Variants in THSD7B observed in about 807,000 individuals in gnomAD.
THSD7B encodes thrombospondin type 1 domain containing 7B.
A neutral mutation model predicts 213.6 loss-of-function variants in THSD7B; 138 were observed. The ratio of observed to expected loss-of-function variants is 0.65; its 90% confidence interval spans 0.56 to 0.74. The LOEUF (loss-of-function observed/expected upper bound fraction) is 0.74. Among genes scored for constraint, THSD7B ranks in the 30% least tolerant of loss-of-function variants. The probability of loss-of-function intolerance (pLI) is 0.00; values close to 1 mark genes in which losing one functional copy is unlikely to be tolerated. For missense variants in THSD7B, 1,931 were observed against 1,991.5 expected, an observed-to-expected ratio of 0.97 and a Z score of 0.58; for synonymous variants, 742 against 687.0, an observed-to-expected ratio of 1.08 and a Z score of -1.25.
intron 2 of THSD7B, among the ~76,000 whole-genome samples, chr2:137,023,760 T>C (rs1212739517): frequency 6.6e-6 from 1 of 152,170 alleles, no homozygotes; most frequent in Admixed American, 6.6e-5. Flanking sequence ...GGAGATGTGA[T>C]GGCAGTGATG....
chr2:137,135,769 C>T (rs959825033), intron 5 of THSD7B, among the ~76,000 whole-genome samples: 1 of 152,046 alleles, frequency 6.6e-6, no homozygotes, highest in Non-Finnish European at 1.5e-5. Context: ...TACAGCTTCA[C>T]TCACACAATG....
chr2:136,904,428 T>C (rs866479933), intron 2 of THSD7B, among the ~76,000 whole-genome samples: 6 of 152,204 alleles, frequency 3.9e-5, no homozygotes, highest in African/African-American at 1.4e-4. Flanking sequence ...TGGAAGGGTT[T>C]CTACTCAGAA....
At chr2:137,632,445 A>T (rs1194488983) in intron 20 of THSD7B, among the ~76,000 whole-genome samples, 1 of 152,176 alleles carries the variant, frequency 6.6e-6, no homozygotes, top group Non-Finnish European at 1.5e-5. Flanking sequence ...AAGGGTGTGA[A>T]GATTAGCTCC....
intron 9 of THSD7B, among the ~76,000 whole-genome samples, chr2:137,238,545 T>C (rs1212398654): frequency 2.7e-5 from 3 of 109,690 alleles, no homozygotes; most frequent in Non-Finnish European, 5.7e-5. Flanking sequence ...TTTTTTTTTT[T>C]TTTTTTTTTT....
chr2:136,908,233 T>C (rs960077110), intron 2 of THSD7B, among the ~76,000 whole-genome samples: 1 of 152,212 alleles, frequency 6.6e-6, no homozygotes, highest in South Asian at 2.1e-4. Context: ...AGTCAAATTA[T>C]ATTAAGAATT....
intron 17 of THSD7B, among the ~76,000 whole-genome samples, chr2:137,606,264 A>G (rs540827955): frequency 6.6e-6 from 1 of 152,288 alleles, no homozygotes; most frequent in African/African-American, 2.4e-5. Flanking sequence ...GTATGAGGAG[A>G]GCCCAGAACA....
intron 15 of THSD7B, among the ~76,000 whole-genome samples, chr2:137,483,568 A>C (rs1209400249): frequency 6.6e-6 from 1 of 152,178 alleles, no homozygotes; most frequent in Non-Finnish European, 1.5e-5. Context: ...GAACTCTATT[A>C]TTGTCTATTT....
At chr2:136,991,020 C>CA in intron 2 of THSD7B, 2 of 1,089,738 alleles carry the variant, frequency 1.8e-6, no homozygotes, top group Non-Finnish European at 1.2e-6. Context: ...CTGTCCTCCC[C>CA]AAAAAAGGAG....
intron 14 of THSD7B, among the ~76,000 whole-genome samples, chr2:137,444,512 G>A (rs143275636): frequency 1.5e-4 from 23 of 151,656 alleles, no homozygotes; most frequent in Non-Finnish European, 2.7e-4. Context: ...TAGATAAATA[G>A]AAAAACAATT....
At chr2:137,659,522 G>C in intron 24 of THSD7B, 142 bp from the exon 25 acceptor site, 4 of 701,818 alleles carry the variant, frequency 5.7e-6, no homozygotes, top group Non-Finnish European at 4.7e-6. Context: ...AATAGGCTTG[G>C]ACCACAATGT....
intron 2 of THSD7B, among the ~76,000 whole-genome samples, chr2:137,017,387 A>G (rs1384940570): frequency 6.6e-6 from 1 of 151,940 alleles, no homozygotes; most frequent in Non-Finnish European, 1.5e-5. Context: ...GACATGTACC[A>G]TTTGTGAGAA....
chr2:137,558,674 C>A (rs907721188), intron 15 of THSD7B, among the ~76,000 whole-genome samples: 2 of 152,202 alleles, frequency 1.3e-5, no homozygotes, highest in Non-Finnish European at 2.9e-5. Context: ...TGTCCTCTTG[C>A]ACCACTCCTA....
chr2:136,872,878 G>A (rs1683459412), intron 1 of THSD7B, among the ~76,000 whole-genome samples: 1 of 147,276 alleles, frequency 6.8e-6, no homozygotes, highest in African/African-American at 2.5e-5. Context: ...CCAGCTACTT[G>A]GATTTATAAA....
At chr2:137,440,580 G>A (rs970575883) in intron 14 of THSD7B, among the ~76,000 whole-genome samples, 1 of 151,910 alleles carries the variant, frequency 6.6e-6, no homozygotes, top group African/African-American at 2.4e-5. Flanking sequence ...AAGAGGTCCT[G>A]CTATTCAGTT....
intron 5 of THSD7B, among the ~76,000 whole-genome samples, chr2:137,122,007 C>A (rs1314465353): frequency 3.3e-5 from 5 of 152,012 alleles, no homozygotes; most frequent in Non-Finnish European, 7.4e-5. Flanking sequence ...GGGAAATGGC[C>A]TGTGGGGAAA....
intron 1 of THSD7B, among the ~76,000 whole-genome samples, chr2:136,800,829 A>T (rs2104921541): frequency 6.6e-6 from 1 of 152,010 alleles, no homozygotes; most frequent in Non-Finnish European, 1.5e-5. Flanking sequence ...TTTCTCCTAA[A>T]GTTTCTTGCA....
intron 6 of THSD7B, among the ~76,000 whole-genome samples, chr2:137,164,632 A>G (rs1680085050): frequency 6.6e-6 from 1 of 152,202 alleles, no homozygotes; most frequent in South Asian, 2.1e-4. Context: ...AACCAACCCA[A>G]ATGTCCAACA....
At chr2:137,130,088 G>A (rs779329118) in intron 5 of THSD7B, among the ~76,000 whole-genome samples, 2 of 152,082 alleles carry the variant, frequency 1.3e-5, no homozygotes, top group African/African-American at 2.4e-5. Flanking sequence ...CATTGAGAGG[G>A]GATTGCATTG....
At chr2:137,623,197 T>C (rs184514688) in intron 20 of THSD7B, among the ~76,000 whole-genome samples, 1 of 152,162 alleles carries the variant, frequency 6.6e-6, no homozygotes, top group East Asian at 1.9e-4. Context: ...TAAACATAAT[T>C]CATCATATAA....
Sources: allele counts gnomAD v4.1 joint callset (sites outside exome capture counted in the v4.1 genomes callset), GRCh38; gene constraint gnomAD v4.1.1; transcripts MANE v1.5; gene names NCBI Gene and HGNC (gene_info 2026-07-23, HGNC 2026-07-21).